VPS8: variants seen among roughly 807,000 people sequenced by gnomAD.
The protein encoded by VPS8 is vacuolar protein sorting-associated protein 8 homolog.
VPS8 carries 129 observed loss-of-function variants against 216.4 expected under a neutral mutation model. The ratio of observed to expected loss-of-function variants is 0.60; its 90% CI spans 0.52 to 0.69. The LOEUF is 0.69. Ranked by LOEUF, VPS8 falls within the 30% of genes least tolerant of loss-of-function variation. The pLI is 0.00. For synonymous variants in VPS8, 571 were observed against 565.4 expected (o/e 1.01, Z -0.14); for missense variants, 1,531 against 1,683.5 (o/e 0.91, Z 1.59).
chr3:185,026,464 T>A (rs368274249), intron 46 of VPS8, among the ~76,000 whole-genome samples: 1 of 145,054 alleles, frequency 6.9e-6, no homozygotes, highest in African/African-American at 2.6e-5. Context: ...CAGGCTGGAG[T>A]GCAGTCACAT....
chr3:185,022,176 C>G (rs915490974), intron 45 of VPS8, among the ~76,000 whole-genome samples: 4 of 152,160 alleles, frequency 2.6e-5, no homozygotes, highest in African/African-American at 9.7e-5. Flanking sequence ...TGGCACTTCT[C>G]TCTCCTGCTG....
chr3:184,843,162 C>A, intron 7 of VPS8, 78 bp from the exon 8 acceptor site: 1 of 1,124,394 alleles, frequency 8.9e-7, no homozygotes, highest in Non-Finnish European at 1.2e-6. Context: ...AATTTTTTAC[C>A]TGCCTTTTCT....
intron 36 of VPS8, among the ~76,000 whole-genome samples, chr3:184,946,883 G>T (rs1743775334): frequency 6.6e-6 from 1 of 151,996 alleles, no homozygotes; most frequent in Admixed American, 6.6e-5. Context: ...TCTACTGAAA[G>T]CAAAACTCAG....
rs368692686 is a variant in VPS8, at chr3:184,936,333, C to G, written c.2986C>G (p.Gln996Glu). The G allele has an allele frequency of 4.4e-6, 7 of 1,606,934 alleles. No individual in the cohort carries two copies. The African/African-American group carries it at 9.4e-5, about 21-fold the overall frequency. Residue 996 changes from glutamine (Q) to glutamate (E), a missense_variant and splice_region_variant, in exon 35 of 48, where the codon CAG (glutamine) becomes GAG (glutamate). Physicochemically the swap from Gln to Glu is conservative, Grantham distance 29. Coordinates refer to ENST00000625842, the MANE Select transcript of VPS8 (RefSeq NM_001009921.3). ...TATTGAAACGGTCATTAAAAAACTT[C>G]AGGTACATATTGCAAATATATATTG... ...GHIETVIKKL[Q>E]NQVLLFKFLR...
chr3:184,899,714 G>A lies in VPS8; in HGVS notation c.2094+1060G>A, dbSNP rs369053846. 5.3e-5 allele frequency among the ~76,000 whole-genome samples: 8 copies of A among 152,230 alleles called. No individual in the cohort carries two copies. In the East Asian group the frequency reaches 1.2e-3, roughly 22 times the overall value. ...GTGCCTCCCTGCATGCCACAACTAAGCCACAATTCAGAAGAATTAATACAG... is the reference window on the plus strand; with the variant it reads ...GTGCCTCCCTGCATGCCACAACTAAACCACAATTCAGAAGAATTAATACAG... On this transcript the variant is annotated intron_variant, in intron 24 of 47. Coordinates refer to ENST00000625842, the MANE Select transcript of VPS8 (RefSeq NM_001009921.3).
chr3:184,826,227 A>G lies in VPS8; in HGVS notation c.218A>G (p.Asn73Ser), dbSNP rs764322711. Residue 73 changes from asparagine to serine, a missense_variant, in exon 3 of 48, where the codon AAT becomes AGT. Coordinates refer to ENST00000625842, the MANE Select transcript of VPS8 (RefSeq NM_001009921.3). The part of the protein sequence containing the change: ...DTPPTLESIL[N>S]ETDDEDESFI... ...CCTCCAACACTGGAAAGCATACTAA[A>G]TGAGGTAAGTGAATATTAATGATTA... The G allele has an allele frequency of 1.1e-5, 18 of 1,608,174 alleles. No individual in the cohort carries two copies. The highest frequency in any genetic ancestry group is 1.5e-5 in the Non-Finnish European group (18 of 1,176,218).
intron 46 of VPS8, among the ~76,000 whole-genome samples, chr3:185,048,250 G>A (rs80275107): frequency 0.013 from 1,982 of 152,298 alleles, 14 homozygotes; most frequent in Non-Finnish European, 0.021. Flanking sequence ...GACTCCATTG[G>A]GAAAAGGGTC....
chr3:185,033,508 T>C (rs1332193823), intron 46 of VPS8, among the ~76,000 whole-genome samples: 2 of 152,224 alleles, frequency 1.3e-5, no homozygotes, highest in Non-Finnish European at 2.9e-5. Context: ...TGGACTATAA[T>C]TTGTTTATCC....
intron 25 of VPS8, among the ~76,000 whole-genome samples, chr3:184,906,368 G>C (rs534971719): frequency 6.6e-6 from 1 of 152,130 alleles, no homozygotes; most frequent in Admixed American, 6.5e-5. Flanking sequence ...AATGTTCTAT[G>C]TGCACTTGAG....
intron 2 of VPS8, 159 bp downstream of exon 2, chr3:184,824,944 T>C: frequency 1.4e-6 from 1 of 690,230 alleles, no homozygotes; most frequent in Non-Finnish European, 2.4e-6. Flanking sequence ...CTCACTCTGT[T>C]GTCCAGGTTG....
intron 46 of VPS8, among the ~76,000 whole-genome samples, chr3:185,046,053 T>C (rs571925442): frequency 1.4e-3 from 213 of 152,360 alleles, no homozygotes; most frequent in African/African-American, 5.0e-3. Context: ...TTTTAGCTCT[T>C]AACACTGGAC....
chr3:184,821,231 G>C (rs1261819154), intron 1 of VPS8, among the ~76,000 whole-genome samples: 1 of 152,220 alleles, frequency 6.6e-6, no homozygotes, highest in Non-Finnish European at 1.5e-5. Context: ...AAAGGGGGAA[G>C]TTGGGAGAGT....
At chr3:185,021,448 T>G (rs1251160689) in intron 45 of VPS8, among the ~76,000 whole-genome samples, 1 of 152,236 alleles carries the variant, frequency 6.6e-6, no homozygotes, top group African/African-American at 2.4e-5. Flanking sequence ...GGCTTGTTTT[T>G]AAAAGTCTGC....
chr3:184,896,897 C>G (rs1313983074), intron 23 of VPS8, among the ~76,000 whole-genome samples: 1 of 152,086 alleles, frequency 6.6e-6, no homozygotes, highest in Non-Finnish European at 1.5e-5. Context: ...TTTGAGGAGG[C>G]AGCATTGAGT....
At chr3:184,889,620 C>T (rs192981669) in intron 22 of VPS8, among the ~76,000 whole-genome samples, 44 of 152,076 alleles carry the variant, frequency 2.9e-4, no homozygotes, top group African/African-American at 1.0e-3. Context: ...GTCTTTCTTT[C>T]CCTCCTTGTC....
intron 34 of VPS8, among the ~76,000 whole-genome samples, chr3:184,935,709 A>T (rs1461215762): frequency 6.6e-6 from 1 of 152,230 alleles, no homozygotes; most frequent in Non-Finnish European, 1.5e-5. Context: ...ATATTTGACA[A>T]ATACATTTTA....
In VPS8 at chr3:184,824,559, G is replaced by C; in HGVS notation, c.-74G>C. ...TTTTTGAAAAGAGATAATCATTCAG[G>C]TCTTCGTGAGCTAAGGCCAAACAAA... is the stretch of plus-strand genomic sequence containing the variant. On this transcript the variant is annotated 5_prime_UTR_variant, in exon 2 of 48. Coordinates refer to ENST00000625842, the MANE Select transcript of VPS8 (RefSeq NM_001009921.3). The C allele has an allele frequency of 2.1e-6, 3 of 1,452,940 alleles. No homozygotes were observed. The highest frequency in any genetic ancestry group is 2.8e-6 in the Non-Finnish European group (3 of 1,070,184). The allele number at this position is 1,452,940 out of a possible 1,614,324, so 90.0% of individuals were successfully genotyped here.
intron 30 of VPS8, 133 bp downstream of exon 30, chr3:184,925,114 G>T: frequency 2.4e-6 from 3 of 1,267,494 alleles, no homozygotes; most frequent in Middle Eastern, 3.9e-4. Context: ...TCAGGTTTTG[G>T]ATCTAAGTTA....
intron 25 of VPS8, 101 bp from the exon 26 acceptor site, chr3:184,913,418 C>G (rs938255814): frequency 2.9e-6 from 3 of 1,047,856 alleles, no homozygotes; most frequent in Non-Finnish European, 4.3e-6. Flanking sequence ...ACTTACCTCA[C>G]CTTAAATGCC....
Sources: gnomAD v4.1 joint callset for allele counts (sites outside exome capture counted in the v4.1 genomes callset) on GRCh38, gnomAD v4.1.1 for gene constraint, MANE v1.5 for transcripts, NCBI Gene and HGNC (gene_info 2026-07-23, HGNC 2026-07-21) for gene names.